Variants in CADM2 observed in about 807,000 individuals in gnomAD.
The protein encoded by CADM2 is cell adhesion molecule 2, also known as immunoglobulin superfamily member 4D.
A neutral mutation model predicts 49.8 loss-of-function variants in CADM2; 12 were observed. That is an observed-to-expected ratio of 0.24 (90% CI 0.15 to 0.39). The LOEUF is 0.39. Ranked by LOEUF, CADM2 falls within the 10% of genes least tolerant of loss-of-function variation. CADM2 has a pLI of 1.00. For synonymous variants in CADM2, 214 were observed against 175.4 expected (o/e 1.22, Z -1.74); for missense variants, 378 against 492.3 (o/e 0.77, Z 2.20).
chr3:85,569,562 C>T (rs2062413955), intron 1 of CADM2, among the ~76,000 whole-genome samples: 1 of 152,054 alleles, frequency 6.6e-6, no homozygotes, highest in South Asian at 2.1e-4. Context: ...ACCCTGTCCC[C>T]ACATCTTTGC....
At chr3:85,421,895 G>A (rs553076134) in intron 1 of CADM2, among the ~76,000 whole-genome samples, 12 of 152,284 alleles carry the variant, frequency 7.9e-5, no homozygotes, top group African/African-American at 2.6e-4. Context: ...TCTATTTCTT[G>A]ACATTTTCTG....
At chr3:85,353,257 G>A (rs970100753) in intron 1 of CADM2, among the ~76,000 whole-genome samples, 1 of 152,034 alleles carries the variant, frequency 6.6e-6, no homozygotes, top group Admixed American at 6.6e-5. Flanking sequence ...ACACGCAGCA[G>A]GAATCCATTC....
intron 1 of CADM2, among the ~76,000 whole-genome samples, chr3:85,561,404 T>C (rs1036308226): frequency 1.3e-5 from 2 of 152,222 alleles, no homozygotes; most frequent in Non-Finnish European, 2.9e-5. Context: ...GATTTTGGAT[T>C]CCTTGGAATA....
chr3:85,251,436 A>T (rs1429077964), intron 1 of CADM2, among the ~76,000 whole-genome samples: 1 of 151,940 alleles, frequency 6.6e-6, no homozygotes, highest in African/African-American at 2.4e-5. Flanking sequence ...AACCATGTAG[A>T]CAAAAAAGAG....
chr3:85,090,402 C>A lies in CADM2; in HGVS notation c.61+130734C>A, dbSNP rs372520897. Among the ~76,000 whole-genome samples, 7 of 152,192 alleles carry A rather than the reference C, an allele frequency of 4.6e-5. No individual in the cohort carries two copies. The East Asian group carries it at 1.4e-3, about 29-fold the overall frequency. On this transcript the variant is annotated intron_variant, in intron 1 of 9. Transcript: ENST00000383699. ...ACAGAAGTAAGTTCATAGAAAAACACGTTTTTGTGTCTTGTTTTGTTTTCA... is the reference window on the plus strand; with the variant it reads ...ACAGAAGTAAGTTCATAGAAAAACAAGTTTTTGTGTCTTGTTTTGTTTTCA...
At chr3:85,804,961 T>G (rs1437920204) in intron 3 of CADM2, among the ~76,000 whole-genome samples, 1 of 152,146 alleles carries the variant, frequency 6.6e-6, no homozygotes, top group Non-Finnish European at 1.5e-5. Flanking sequence ...GGTTTTGTTT[T>G]GGGACAGGGT....
At chr3:85,633,698 A>C (rs911017815) in intron 1 of CADM2, among the ~76,000 whole-genome samples, 1 of 152,108 alleles carries the variant, frequency 6.6e-6, no homozygotes, top group Admixed American at 6.6e-5. Flanking sequence ...CACTGTATGC[A>C]GAGAATAACT....
At chr3:85,572,893 A>G (rs974202307) in intron 1 of CADM2, among the ~76,000 whole-genome samples, 1 of 152,184 alleles carries the variant, frequency 6.6e-6, no homozygotes, top group Non-Finnish European at 1.5e-5. Flanking sequence ...CTCTGGAAAC[A>G]TACTCACAGA....
At chr3:85,692,250 C>T (rs1200653061) in intron 1 of CADM2, among the ~76,000 whole-genome samples, 2 of 152,142 alleles carry the variant, frequency 1.3e-5, no homozygotes, top group African/African-American at 4.8e-5. Flanking sequence ...CCTTCATTAG[C>T]CTCACCATAG....
chr3:85,254,681 G>C (rs7622974), intron 1 of CADM2, among the ~76,000 whole-genome samples: 1 of 151,998 alleles, frequency 6.6e-6, no homozygotes, highest in African/African-American at 2.4e-5. Flanking sequence ...TGAGACCAGA[G>C]TAACTGTGCA....
chr3:85,826,137 A>T (rs2073897403), intron 3 of CADM2, among the ~76,000 whole-genome samples: 1 of 152,026 alleles, frequency 6.6e-6, no homozygotes, highest in Non-Finnish European at 1.5e-5. Flanking sequence ...ATTCAGCATA[A>T]TTTTTAAAAC....
intron 1 of CADM2, among the ~76,000 whole-genome samples, chr3:85,477,257 CACACACACACACACAT>C (rs1415220728): frequency 6.6e-6 from 1 of 150,522 alleles, no homozygotes; most frequent in Non-Finnish European, 1.5e-5. Flanking sequence ...CACACACACA[CACACACACACACACAT>C]ACAGACACGT....
chr3:85,531,618 CCT>C (rs1337936293), intron 1 of CADM2, among the ~76,000 whole-genome samples: 1 of 152,134 alleles, frequency 6.6e-6, no homozygotes, highest in Non-Finnish European at 1.5e-5. Flanking sequence ...GTTTTTCCAG[CCT>C]CTGTTTTTTT....
At chr3:85,265,668 TGAACTTTG>T (rs374205961) in intron 1 of CADM2, among the ~76,000 whole-genome samples, 306 of 152,100 alleles carry the variant, frequency 2.0e-3, no homozygotes, top group Middle Eastern at 6.8e-3. Flanking sequence ...TCCCAACACA[TGAACTTTG>T]GGGGACACAT....
chr3:85,157,551 C>T (rs1036216533), intron 1 of CADM2, among the ~76,000 whole-genome samples: 5 of 152,106 alleles, frequency 3.3e-5, no homozygotes, highest in Non-Finnish European at 7.4e-5. Context: ...CTACAACTAT[C>T]TGATCTTTGA....
intron 1 of CADM2, among the ~76,000 whole-genome samples, chr3:85,663,633 A>G (rs2065476417): frequency 6.6e-6 from 1 of 152,042 alleles, no homozygotes; most frequent in African/African-American, 2.4e-5. Flanking sequence ...CTTCTGTCAC[A>G]TGGGACTGCT....
intron 5 of CADM2, among the ~76,000 whole-genome samples, chr3:85,889,655 T>A (rs1214472812): frequency 2.6e-5 from 4 of 152,200 alleles, no homozygotes; most frequent in Non-Finnish European, 5.9e-5. Flanking sequence ...TAAAATGATA[T>A]GTATGAAGTG....
At chr3:85,828,322 G>A (rs1255841926) in intron 3 of CADM2, among the ~76,000 whole-genome samples, 1 of 151,840 alleles carries the variant, frequency 6.6e-6, no homozygotes, top group Non-Finnish European at 1.5e-5. Flanking sequence ...GGAAAGGTAA[G>A]CATCTGTGTT....
chr3:85,504,222 G>C (rs543644024), intron 1 of CADM2, among the ~76,000 whole-genome samples: 3 of 152,042 alleles, frequency 2.0e-5, no homozygotes, highest in Middle Eastern at 3.4e-3. Flanking sequence ...GACCTTCGCG[G>C]TGAGTGTTAT....
Sources: gnomAD v4.1 joint callset for allele counts (sites outside exome capture counted in the v4.1 genomes callset) on GRCh38, gnomAD v4.1.1 for gene constraint, MANE v1.5 for transcripts, NCBI Gene and HGNC (gene_info 2026-07-23, HGNC 2026-07-21) for gene names.